NPHP4: variants seen among roughly 807,000 people sequenced by gnomAD.
NPHP4 encodes nephrocystin-4.
NPHP4 carries 151 observed loss-of-function variants against 155.8 expected under a neutral mutation model. That is an observed-to-expected ratio of 0.97 (90% CI 0.85 to 1.11). NPHP4 has a LOEUF of 1.11. Ranked by LOEUF, NPHP4 falls within the 50% of genes least tolerant of loss-of-function variation. The probability of loss-of-function intolerance (pLI) is 0.00; values close to 1 mark genes in which losing one functional copy is unlikely to be tolerated. For missense variants in NPHP4, 1,956 were observed against 1,925.7 expected (o/e 1.02, Z -0.29); for synonymous variants, 845 against 816.8 (o/e 1.03, Z -0.59).
intron 3 of NPHP4, among the ~76,000 whole-genome samples, chr1:5,977,538 A>G (rs1212357324): frequency 6.6e-6 from 1 of 151,980 alleles, no homozygotes; most frequent in African/African-American, 2.4e-5. Context: ...TTACCTGCTC[A>G]GTGCGTCTCC....
intron 11 of NPHP4, among the ~76,000 whole-genome samples, chr1:5,923,428 T>C (rs1208713225): frequency 1.3e-5 from 2 of 152,148 alleles, no homozygotes; most frequent in Non-Finnish European, 2.9e-5. Context: ...TTCAGTGAGT[T>C]TGCACCAGAC....
rs768347263 is a variant in NPHP4 at position 5,877,112 on chromosome 1, C to T, written c.2798G>A (p.Arg933Gln). 118 of 1,581,570 alleles carry T rather than the reference C, an allele frequency of 7.5e-5. No individual in the cohort carries two copies. The highest frequency in any genetic ancestry group is 5.3e-4 in the Admixed American group (31 of 58,886). ...RLQEAGGDLG[R>Q]RGTSVLAQQS... Reference sequence around the variant, plus strand: ...CCTTACCAACACGCTCGTCCCGCGCCGGCCCAAGTCTCCCCCGGCCTCCTG... The same window carrying T: ...CCTTACCAACACGCTCGTCCCGCGCTGGCCCAAGTCTCCCCCGGCCTCCTG... Residue 933 changes from arginine to glutamine, a missense_variant, in exon 20 of 30, where the codon CGG (arginine) becomes CAG (glutamine). Transcript: ENST00000378156.
rs1642446401 is a variant in NPHP4, at chr1:5,875,105, A to T, written c.2818-5T>A. Reference sequence around the variant, plus strand: ...TGTGCGGACGCTCTGCTGCGCCTGCAGACAAGAGGACATGGGTGGACAGGG... The same window carrying T: ...TGTGCGGACGCTCTGCTGCGCCTGCTGACAAGAGGACATGGGTGGACAGGG... On this transcript the variant is annotated splice_region_variant and splice_polypyrimidine_tract_variant and intron_variant, in intron 20 of 29. Transcript: ENST00000378156. The T allele has an allele frequency of 1.3e-6, 2 of 1,591,396 alleles. No individual in the cohort carries two copies. The highest frequency in any genetic ancestry group is 1.7e-6 in the Non-Finnish European group (2 of 1,172,566).
intron 9 of NPHP4, among the ~76,000 whole-genome samples, chr1:5,935,408 A>C (rs1347544922): frequency 1.3e-5 from 2 of 152,260 alleles, no homozygotes; most frequent in Non-Finnish European, 2.9e-5. Flanking sequence ...ACATAGAATC[A>C]GAAAAGTAAG....
intron 16 of NPHP4, 61 bp downstream of exon 16, chr1:5,904,556 C>A (rs1015353923): frequency 6.8e-6 from 9 of 1,328,620 alleles, no homozygotes; most frequent in Non-Finnish European, 9.3e-6. Context: ...ATAACACTGA[C>A]AATTTACACA....
At chr1:5,972,999 C>G (rs1652860440) in intron 3 of NPHP4, among the ~76,000 whole-genome samples, 1 of 152,210 alleles carries the variant, frequency 6.6e-6, no homozygotes, top group Non-Finnish European at 1.5e-5. Context: ...ATTCTCTAGC[C>G]TCAGCCTCCC....
chr1:5,964,658 T>G (rs969099885), intron 5 of NPHP4, among the ~76,000 whole-genome samples: 7 of 151,968 alleles, frequency 4.6e-5, no homozygotes, highest in African/African-American at 1.7e-4. Context: ...GAGGGCTCCC[T>G]TCTCCACTCC....
At chr1:5,962,356 T>C (rs1399807160) in intron 5 of NPHP4, among the ~76,000 whole-genome samples, 1 of 151,814 alleles carries the variant, frequency 6.6e-6, no homozygotes, top group African/African-American at 2.4e-5. Flanking sequence ...GGAGGTGCAG[T>C]TTTTAATCCA....
rs372862010 is a variant in NPHP4, at chr1:5,969,097, G to C, written c.442C>G (p.Gln148Glu). The C allele has an allele frequency of 2.2e-5, 34 of 1,549,638 alleles. 1 individual carries two copies. The African/African-American group carries it at 4.2e-4, about 19-fold the overall frequency. ...NQPDSPISAS[Q>E]DKRLRLYHGT... ...AAACAAGGCAGGTACCTTTTGTCCT[G>C]GGAAGCAGAGATAGGAGAGTCCGGC... Residue 148 changes from glutamine to glutamate, a missense_variant, in exon 4 of 30, where the codon CAG becomes GAG. Physicochemically the swap from Gln to Glu is conservative, Grantham distance 29. Coordinates refer to ENST00000378156, the MANE Select transcript of NPHP4 (RefSeq NM_015102.5).
At chr1:5,939,855 C>T (rs868439475) in intron 9 of NPHP4, among the ~76,000 whole-genome samples, 7 of 152,090 alleles carry the variant, frequency 4.6e-5, no homozygotes, top group East Asian at 1.9e-4. Context: ...TCTTTCATTA[C>T]GGGCCACCAG....
chr1:5,985,310 A>C lies in NPHP4; in HGVS notation c.135+845T>G, dbSNP rs1655306602. Among the ~76,000 whole-genome samples the C allele has an allele frequency of 3.3e-5, 5 of 152,372 alleles. No homozygotes were observed. The South Asian group carries it at 1.0e-3, about 32-fold the overall frequency. ...GCATTCCCACCGGCCACTGGGCCTC[A>C]CGAGGACAATCCAATCGTGTGGGTG... On this transcript the variant is annotated intron_variant, in intron 2 of 29. Coordinates refer to ENST00000378156, the MANE Select transcript of NPHP4 (RefSeq NM_015102.5).
At chr1:5,873,053 C>G (rs1302164730) in intron 23 of NPHP4, among the ~76,000 whole-genome samples, 199 bp downstream of exon 23, 1 of 152,188 alleles carries the variant, frequency 6.6e-6, no homozygotes, top group African/African-American at 2.4e-5. Context: ...GACCAGATAC[C>G]ATGCAGGCTG....
At chr1:5,936,973 G>A (rs2101798444) in intron 9 of NPHP4, among the ~76,000 whole-genome samples, 1 of 152,328 alleles carries the variant, frequency 6.6e-6, no homozygotes, top group East Asian at 1.9e-4. Flanking sequence ...GACAGACACA[G>A]AGGGAGACAC....
chr1:5,968,702 CCAT>C (rs2102246428), intron 4 of NPHP4, among the ~76,000 whole-genome samples: 1 of 152,188 alleles, frequency 6.6e-6, no homozygotes, highest in African/African-American at 2.4e-5. Context: ...TCTACTGCCA[CCAT>C]AAGACGAGCA....
chr1:5,888,549 C>G (rs771244634), intron 17 of NPHP4: 4 of 1,350,298 alleles, frequency 3.0e-6, no homozygotes, highest in Non-Finnish European at 3.9e-6. Context: ...ACGATCACTG[C>G]ATAGACATCG....
chr1:5,945,503 C>T (rs968942181), intron 9 of NPHP4, among the ~76,000 whole-genome samples: 3 of 152,208 alleles, frequency 2.0e-5, no homozygotes, highest in Admixed American at 6.5e-5. Flanking sequence ...AATTAGGACT[C>T]GGAATCATAG....
intron 4 of NPHP4, 121 bp downstream of exon 4, chr1:5,968,966 G>T: frequency 1.7e-6 from 1 of 594,444 alleles, no homozygotes. Flanking sequence ...AGCGGAGGTT[G>T]CAGTGAGCCG....
chr1:5,961,991 C>G, intron 5 of NPHP4, 42 bp from the exon 6 acceptor site: 1 of 1,531,754 alleles, frequency 6.5e-7, no homozygotes, highest in Non-Finnish European at 8.9e-7. Context: ...TAGCTGAAAG[C>G]AAAGGTGCTT....
intron 2 of NPHP4, among the ~76,000 whole-genome samples, chr1:5,985,547 C>T (rs1412343104): frequency 6.6e-6 from 1 of 152,260 alleles, no homozygotes; most frequent in Non-Finnish European, 1.5e-5. Flanking sequence ...GAGCCATGCA[C>T]AAGGCCACCT....
Sources: allele counts gnomAD v4.1 joint callset (sites outside exome capture counted in the v4.1 genomes callset), GRCh38; gene constraint gnomAD v4.1.1; transcripts MANE v1.5; gene names NCBI Gene and HGNC (gene_info 2026-07-23, HGNC 2026-07-21).